The following ADAM2 variants were observed in gnomAD, a reference collection of about 807,000 sequenced individuals.
ADAM2 encodes the protein ADAM metallopeptidase domain 2.
Under a neutral mutation model 99.3 loss-of-function variants are expected in ADAM2, and 101 were observed. The ratio of observed to expected loss-of-function variants is 1.02; its 90% CI spans 0.87 to 1.20. The LOEUF (loss-of-function observed/expected upper bound fraction) is 1.20. ADAM2 is among the 50% of genes most tolerant of loss of function. The pLI, the probability that ADAM2 is intolerant of heterozygous loss-of-function variation, is 0.00. For synonymous variants in ADAM2, 323 were observed against 287.6 expected, an observed-to-expected ratio of 1.12 and a Z score of -1.25; for missense variants, 948 against 878.7, an observed-to-expected ratio of 1.08 and a Z score of -1.00.
At chr8:39,769,973 G>A (rs1341401918) in intron 11 of ADAM2, among the ~76,000 whole-genome samples, 1 of 135,688 alleles carries the variant, frequency 7.4e-6, no homozygotes, top group African/African-American at 2.8e-5. Flanking sequence ...TTGAGACGGA[G>A]TCTCACTCTG....
chr8:39,773,636 A>T (rs1053751635), intron 11 of ADAM2, among the ~76,000 whole-genome samples: 3 of 151,824 alleles, frequency 2.0e-5, no homozygotes, highest in African/African-American at 7.2e-5. Context: ...TTTATGAAAA[A>T]TTAATCAATT....
intron 12 of ADAM2, 95 bp from the exon 13 acceptor site, chr8:39,767,346 A>T: frequency 9.6e-7 from 1 of 1,040,818 alleles, no homozygotes; most frequent in Non-Finnish European, 1.4e-6. Context: ...TAACATACAC[A>T]TAGGTGCTTA....
intron 20 of ADAM2, 22 bp downstream of exon 20, chr8:39,744,808 T>A (rs953744785): frequency 6.5e-5 from 98 of 1,508,430 alleles, no homozygotes; most frequent in East Asian, 9.1e-5. Flanking sequence ...AAATAAATTT[T>A]AAAAAAATGA....
At chr8:39,768,405 A>C (rs1802649572) in intron 12 of ADAM2, among the ~76,000 whole-genome samples, 1 of 152,128 alleles carries the variant, frequency 6.6e-6, no homozygotes, top group African/African-American at 2.4e-5. Context: ...ACCATTCACT[A>C]TGAGTTTCAA....
At chr8:39,791,739 G>A (rs945342347) in intron 7 of ADAM2, among the ~76,000 whole-genome samples, 1 of 152,070 alleles carries the variant, frequency 6.6e-6, no homozygotes, top group Admixed American at 6.6e-5. Context: ...AAGGGCTGAA[G>A]CTTTAGAGGT....
At chr8:39,821,214 T>TG (rs1300692963) in intron 5 of ADAM2, 44 bp from the exon 6 acceptor site, 1 of 1,337,288 alleles carries the variant, frequency 7.5e-7, no homozygotes, top group African/African-American at 1.5e-5. Flanking sequence ...CAATGCCTTG[T>TG]GGAAAAGCCA....
chr8:39,756,816 AT>A, intron 15 of ADAM2, among the ~76,000 whole-genome samples: 1 of 152,330 alleles, frequency 6.6e-6, no homozygotes, highest in East Asian at 1.9e-4. Context: ...ACATTAAGTA[AT>A]TTCATAGAAC....
intron 11 of ADAM2, among the ~76,000 whole-genome samples, chr8:39,770,625 T>C (rs1460966456): frequency 6.6e-6 from 1 of 152,216 alleles, no homozygotes; most frequent in Non-Finnish European, 1.5e-5. Context: ...CTCCTTGCAA[T>C]ATGAAGATAA....
At chr8:39,744,750 A>G (rs1244247651) in intron 20 of ADAM2, 80 bp downstream of exon 20, 32 of 916,934 alleles carry the variant, frequency 3.5e-5, no homozygotes, top group Non-Finnish European at 5.2e-5. Context: ...ATGTATACCT[A>G]TGTAACAAAC....
intron 14 of ADAM2, 63 bp downstream of exon 14, chr8:39,766,785 A>G (rs944186743): frequency 9.5e-7 from 1 of 1,055,974 alleles, no homozygotes; most frequent in Admixed American, 2.2e-5. Flanking sequence ...ATGTATCAGC[A>G]TCTATTTCTG....
At chr8:39,811,872 C>G (rs989743934) in intron 6 of ADAM2, among the ~76,000 whole-genome samples, 1 of 152,168 alleles carries the variant, frequency 6.6e-6, no homozygotes, top group African/African-American at 2.4e-5. Flanking sequence ...TGGCACAAGA[C>G]AGGGATGTCC....
intron 11 of ADAM2, among the ~76,000 whole-genome samples, chr8:39,771,249 A>G (rs769760866): frequency 2.0e-5 from 3 of 152,174 alleles, no homozygotes; most frequent in Non-Finnish European, 4.4e-5. Context: ...ACATGTCTAT[A>G]CAAAATTTAT....
chr8:39,829,353 A>G lies in ADAM2; in HGVS notation c.189-4456T>C, dbSNP rs374639604. On this transcript the variant is annotated intron_variant, in intron 3 of 20. Transcript: ENST00000265708. ...TTGACAAAGAACAAATGTCTTAAAC[A>G]GGCACTTCACAGGGGAGAAATTCCA... Among the ~76,000 whole-genome samples the G allele has an allele frequency of 7.2e-5, 11 of 152,106 alleles. 1 individual carries two copies. Among genetic ancestry groups the G allele is most frequent in the African/African-American group, 2.4e-4 (10 of 41,564 alleles).
At chr8:39,800,070 G>C (rs1333372589) in intron 7 of ADAM2, among the ~76,000 whole-genome samples, 1 of 151,016 alleles carries the variant, frequency 6.6e-6, no homozygotes, top group Non-Finnish European at 1.5e-5. Context: ...CTGTCACATG[G>C]TGCTATTTGG....
chr8:39,763,178 G>A (rs1185921880), intron 14 of ADAM2, among the ~76,000 whole-genome samples: 1 of 151,984 alleles, frequency 6.6e-6, no homozygotes, highest in Non-Finnish European at 1.5e-5. Context: ...GGTGGCTAGG[G>A]CTACTTGATT....
chr8:39,748,236 G>A (rs531436102), intron 18 of ADAM2, among the ~76,000 whole-genome samples: 9 of 152,228 alleles, frequency 5.9e-5, no homozygotes, highest in South Asian at 2.1e-4. Flanking sequence ...GGAAGACCAC[G>A]AGAGTCCTAG....
At chr8:39,811,331 T>C (rs964197755) in intron 6 of ADAM2, among the ~76,000 whole-genome samples, 1 of 152,184 alleles carries the variant, frequency 6.6e-6, no homozygotes, top group Admixed American at 6.5e-5. Flanking sequence ...GATTCACAGC[T>C]GAATTCTACC....
intron 7 of ADAM2, 151 bp from the exon 8 acceptor site, chr8:39,788,891 T>C (rs1402718134): frequency 2.1e-5 from 9 of 434,206 alleles, no homozygotes; most frequent in Non-Finnish European, 3.6e-5. Context: ...TTATACAAAT[T>C]ATATGTTATA....
At chr8:39,760,564 A>C (rs1033416254) in intron 15 of ADAM2, among the ~76,000 whole-genome samples, 16 of 152,002 alleles carry the variant, frequency 1.1e-4, no homozygotes, top group African/African-American at 3.9e-4. Flanking sequence ...TACTGAAAAC[A>C]CAAAAAATTA....
Sources: gnomAD v4.1 joint callset for allele counts (sites outside exome capture counted in the v4.1 genomes callset) on GRCh38, gnomAD v4.1.1 for gene constraint, MANE v1.5 for transcripts, NCBI Gene and HGNC (gene_info 2026-07-23, HGNC 2026-07-21) for gene names.